Variants in ERCC3 observed in about 807,000 individuals in gnomAD.
ERCC3 encodes general transcription and DNA repair factor IIH helicase/translocase subunit XPB.
Under a neutral mutation model 94.2 loss-of-function variants are expected in ERCC3, and 66 were observed. That is an observed-to-expected ratio of 0.70 (90% CI 0.57 to 0.86). ERCC3 has a LOEUF of 0.86. Among genes scored for constraint, ERCC3 ranks in the 40% least tolerant of loss-of-function variants. The probability of loss-of-function intolerance (pLI) is 0.00; values close to 1 mark genes in which losing one functional copy is unlikely to be tolerated. For synonymous variants in ERCC3, 349 were observed against 369.1 expected, an observed-to-expected ratio of 0.95 and a Z score of 0.63; for missense variants, 829 against 987.1, an observed-to-expected ratio of 0.84 and a Z score of 2.15.
In ERCC3 at chr2:127,274,181, G is replaced by C. The variant is rs1162382239; in HGVS notation, c.1731-1220C>G. Among the ~76,000 whole-genome samples the C allele has an allele frequency of 2.0e-5, 3 of 151,902 alleles. No homozygotes were observed. Among genetic ancestry groups the C allele is most frequent in the Middle Eastern group, 3.4e-3 (1 of 294 alleles). On this transcript the variant is annotated intron_variant, in intron 10 of 14. Transcript: ENST00000285398. This position sits in a 1 kb window ranked among gnomAD's most constrained non-coding sequence, Gnocchi z 4.0. ...ATAAAAAAAATTAGCTGGGTATGGT[G>C]GTGGGCACCTATAATCCCAGCTACT...
At chr2:127,275,033 C>T (rs1684689682) in intron 10 of ERCC3, among the ~76,000 whole-genome samples, 3 of 152,178 alleles carry the variant, frequency 2.0e-5, no homozygotes, top group Admixed American at 1.3e-4. Flanking sequence ...ATCCCAAAAA[C>T]GATGCTCTGC....
rs774181315 is a variant in ERCC3, at chr2:127,271,355, C to G, written c.1926G>C (p.Arg642=). The change falls in exon 12 of 15, where the codon CGG becomes CGC. Residue 642 remains arginine (R), a synonymous_variant. Transcript: ENST00000285398. This position sits in a 1 kb window ranked among gnomAD's most constrained non-coding sequence, Gnocchi z 5.0. ...CTTTACCTTTTTTAGCTCGAAGCAC[C>G]CGCCCTAGCCTTTGGGCTTCCTGAC... is the stretch of plus-strand genomic sequence containing the variant. ...SRRQEAQRLG[R]VLRAKKGMVA... 1 of 1,613,678 alleles carries G rather than the reference C, an allele frequency of 6.2e-7. No homozygotes were observed. The highest frequency in any genetic ancestry group is 8.5e-7 in the Non-Finnish European group (1 of 1,179,572).
chr2:127,257,588 C>T lies in ERCC3; in HGVS notation c.*8G>A, dbSNP rs1362336409. ...CGCCGGTCTTGAACGAAGTACCCTG[C>T]CTAAGCATCATTTCCTAAAGCGCTT... On this transcript the variant is annotated 3_prime_UTR_variant, in exon 15 of 15. Coordinates refer to ENST00000285398, the MANE Select transcript of ERCC3 (RefSeq NM_000122.2). The surrounding 1 kb of genome is among the most constrained non-coding windows in gnomAD (Gnocchi z 5.4). The T allele has an allele frequency of 6.2e-7, 1 of 1,613,690 alleles. No homozygotes were observed. Among genetic ancestry groups the T allele is most frequent in the South Asian group, 1.1e-5 (1 of 91,060 alleles).
At chr2:127,285,326 C>A (rs1685030935) in intron 8 of ERCC3, among the ~76,000 whole-genome samples, 1 of 152,096 alleles carries the variant, frequency 6.6e-6, no homozygotes, top group Non-Finnish European at 1.5e-5. Context: ...TTGGGAGGCC[C>A]AAGCAGGCAG....
At chr2:127,266,434 C>T (rs1450096962) in intron 12 of ERCC3, among the ~76,000 whole-genome samples, 3 of 144,468 alleles carry the variant, frequency 2.1e-5, no homozygotes, top group African/African-American at 7.9e-5. Context: ...CTCCCAGGTT[C>T]ACGCCATTCT....
rs1191447900 is a variant in ERCC3 at position 127,289,435 on chromosome 2, A to G, written c.724T>C (p.Ser242Pro). Reference sequence around the variant, plus strand: ...TCAAACAGGTCCATGGGGATGTCAGATTTACCCTGTGGATCTGTCACTCGG... The same window carrying G: ...TCAAACAGGTCCATGGGGATGTCAGGTTTACCCTGTGGATCTGTCACTCGG... ...TSRVTDPQGKSDIPMDLFDFY... is the reference protein window; with the variant it reads ...TSRVTDPQGKPDIPMDLFDFY... The change falls in exon 6 of 15, where the codon TCT becomes CCT. Residue 242 changes from serine (S) to proline (P), a missense_variant. Ser to Pro is a moderately conservative substitution (Grantham distance 74, BLOSUM62 -1). Transcript: ENST00000285398. 1.2e-6 allele frequency: 2 copies of G among 1,613,012 alleles called. No individual in the cohort carries two copies. The highest frequency in any genetic ancestry group is 1.7e-6 in the Non-Finnish European group (2 of 1,179,936).
Position 127,257,659 on chromosome 2 carries a change from G to A in ERCC3, c.2286C>T (p.His762=). The A allele has an allele frequency of 6.2e-7, 1 of 1,614,196 alleles. No homozygotes were observed. The highest frequency in any genetic ancestry group is 8.5e-7 in the Non-Finnish European group (1 of 1,180,020). ...GADDTVYMEY[H]SSRSKAPSKH... The stretch of plus-strand genomic sequence containing the variant: ...TGCTGGGCGCCTTGCTCCGCGATGA[G>A]TGGTACTCCATGTACACAGTGTCGT... The change falls in exon 15 of 15, where the codon CAC becomes CAT. Residue 762 remains histidine (H), a synonymous_variant. Coordinates refer to ENST00000285398, the MANE Select transcript of ERCC3 (RefSeq NM_000122.2). This position sits in a 1 kb window ranked among gnomAD's most constrained non-coding sequence, Gnocchi z 5.4.
intron 12 of ERCC3, among the ~76,000 whole-genome samples, chr2:127,267,142 ATTTC>A (rs763489820): frequency 3.1e-4 from 47 of 152,142 alleles, no homozygotes; most frequent in African/African-American, 8.7e-4. Flanking sequence ...TAAGTACAGA[ATTTC>A]TTTGTTAGTT....
At chr2:127,293,756 C>T (rs772720958) in intron 1 of ERCC3, 38 bp from the exon 2 acceptor site, 3 of 1,605,752 alleles carry the variant, frequency 1.9e-6, no homozygotes, top group Non-Finnish European at 2.5e-6. Flanking sequence ...CCAGCAGGAG[C>T]CTTCAGGGTT....
At chr2:127,293,002 A>G (rs1685330210) in intron 2 of ERCC3, among the ~76,000 whole-genome samples, 156 bp from the exon 3 acceptor site, 1 of 152,222 alleles carries the variant, frequency 6.6e-6, no homozygotes, top group Admixed American at 6.5e-5. Flanking sequence ...CTGTTACATT[A>G]ATCAGATACA....
At position 127,273,020 on chromosome 2, in the gene ERCC3, A is replaced by C. The variant is rs56064297; in HGVS notation, c.1731-59T>G. On this transcript the variant is annotated intron_variant, in intron 10 of 14. Coordinates refer to ENST00000285398, the MANE Select transcript of ERCC3 (RefSeq NM_000122.2). ...ATAATGCCTCAGTTATCTTGAAAAC[A>C]CATCAGAGGGAAAAAGGAGCTCAGG... is the stretch of plus-strand genomic sequence containing the variant. 1,540 of 1,098,028 alleles carry C rather than the reference A, an allele frequency of 1.4e-3. 18 individuals are homozygous for C. The African/African-American group carries it at 0.02, about 14-fold the overall frequency. The allele number at this position is 1,098,028 out of a possible 1,614,324, so 68.0% of individuals were successfully genotyped here.
At position 127,271,326 on chromosome 2, in the gene ERCC3, G is replaced by C. The variant is rs184374356; in HGVS notation, c.1945+10C>G. 10 of 1,586,012 alleles carry C rather than the reference G, an allele frequency of 6.3e-6. No individual in the cohort carries two copies. Among genetic ancestry groups the C allele is most frequent in the African/African-American group, 1.3e-5 (1 of 74,314 alleles). ...GACCTCCTGCAACAGAAGATGAAAG[G>C]CCACTTTACCTTTTTTAGCTCGAAG... On this transcript the variant is annotated intron_variant, in intron 12 of 14. Transcript: ENST00000285398. The surrounding 1 kb of genome is among the most constrained non-coding windows in gnomAD (Gnocchi z 5.0).
chr2:127,290,672 T>C (rs1165893726), intron 3 of ERCC3: 8 of 301,088 alleles, frequency 2.7e-5, no homozygotes, highest in Non-Finnish European at 5.1e-5. Flanking sequence ...CCAATGCTCC[T>C]ATTTCCCCAA....
At chr2:127,292,520 A>C (rs892342124) in intron 3 of ERCC3, 90 bp downstream of exon 3, 7 of 881,788 alleles carry the variant, frequency 7.9e-6, no homozygotes, top group Non-Finnish European at 1.2e-5. Flanking sequence ...GCACATTCTC[A>C]TGGCTGCCAC....
chr2:127,261,004 T>C, intron 13 of ERCC3: 1 of 564,968 alleles, frequency 1.8e-6, no homozygotes, highest in Non-Finnish European at 3.2e-6. Context: ...ATTCACACAG[T>C]GCTGGTCATA....
At chr2:127,260,211 T>C (rs1232079829) in intron 13 of ERCC3, 3 of 153,992 alleles carry the variant, frequency 1.9e-5, no homozygotes, top group East Asian at 1.9e-4. Context: ...CTCCAACCAC[T>C]GCTCCTCAAC....
rs756471066 is a variant in ERCC3 at position 127,293,682 on chromosome 2, T to C, written c.65A>G (p.Glu22Gly). Residue 22 changes from glutamate to glycine, a missense_variant, in exon 2 of 15, where the codon GAA becomes GGA. Transcript: ENST00000285398. ...KKSRKRHYED[E>G]EDDEEDAPGN... ...CGGGGCGTCCTCTTCATCATCCTCT[T>C]CATCCTCATAGTGCCGCTTCCTGGA... 34 of 1,613,866 alleles carry C rather than the reference T, an allele frequency of 2.1e-5. No individual in the cohort carries two copies. Among genetic ancestry groups the C allele is most frequent in the Non-Finnish European group, 2.8e-5 (33 of 1,180,022 alleles).
rs1029284232 is a variant in ERCC3 at position 127,280,138 on chromosome 2, G to C, written c.1527+309C>G. On this transcript the variant is annotated intron_variant, in intron 9 of 14. Transcript: ENST00000285398. This position sits in a 1 kb window ranked among gnomAD's most constrained non-coding sequence, Gnocchi z 6.3. ...CTCCCAGGCAGCACTGTGGTATCAG[G>C]GGCCTTCATTCATCCCTGTGCCCTG... 6.6e-6 allele frequency among the ~76,000 whole-genome samples: 1 copy of C among 152,162 alleles called. No homozygotes were observed. The highest frequency in any genetic ancestry group is 1.5e-5 in the Non-Finnish European group (1 of 68,042).
chr2:127,288,343 GT>G (rs2104773729), intron 7 of ERCC3, among the ~76,000 whole-genome samples: 1 of 152,278 alleles, frequency 6.6e-6, no homozygotes, highest in East Asian at 1.9e-4. Context: ...CACCCCTCAT[GT>G]GCTCTAATTT....
Sources: gnomAD v4.1 joint callset for allele counts (sites outside exome capture counted in the v4.1 genomes callset) on GRCh38, gnomAD v4.1.1 for gene constraint, Gnocchi (gnomAD v3.1) non-coding constraint, MANE v1.5 for transcripts, NCBI Gene and HGNC (gene_info 2026-07-23, HGNC 2026-07-21) for gene names.